Variants in NPEPPS observed in about 807,000 individuals in gnomAD.
NPEPPS encodes aminopeptidase puromycin sensitive, also known as puromycin-sensitive aminopeptidase.
A neutral mutation model predicts 115.5 loss-of-function variants in NPEPPS; 14 were observed. The observed-to-expected ratio is 0.12, with a 90% CI of 0.08 to 0.19. The LOEUF (loss-of-function observed/expected upper bound fraction) is 0.19. Among genes scored for constraint, NPEPPS ranks in the 10% least tolerant of loss-of-function variants. The pLI, the probability that NPEPPS is intolerant of heterozygous loss-of-function variation, is 1.00. For synonymous variants in NPEPPS, 285 were observed against 390.6 expected (o/e 0.73, Z 3.19); for missense variants, 523 against 1,110.8 (o/e 0.47, Z 7.52).
chr17:47,600,117 C>T (rs1913101983), intron 14 of NPEPPS, among the ~76,000 whole-genome samples: 1 of 152,098 alleles, frequency 6.6e-6, no homozygotes, highest in Non-Finnish European at 1.5e-5. Flanking sequence ...TGTGCCCAGC[C>T]ATAGAATTAC....
At chr17:47,532,231 TTC>T (rs960736946) in intron 1 of NPEPPS, among the ~76,000 whole-genome samples, 142 of 152,274 alleles carry the variant, frequency 9.3e-4, no homozygotes, top group African/African-American at 3.1e-3. Flanking sequence ...AGTGACTTTG[TTC>T]TCTCTTAACC....
rs752792964 is a variant in NPEPPS, at chr17:47,599,673, T to A, written c.1537-3T>A. The A allele has an allele frequency of 3.2e-6, 5 of 1,558,242 alleles. No individual in the cohort carries two copies. In the South Asian group the frequency reaches 5.9e-5, roughly 18 times the overall value. ...TATTATAGCCTTTGTTTTGCTTCTTTAGGTAGAAGATGACAGATTATTGAG... is the reference window on the plus strand; with the variant it reads ...TATTATAGCCTTTGTTTTGCTTCTTAAGGTAGAAGATGACAGATTATTGAG... On this transcript the variant is annotated splice_polypyrimidine_tract_variant and splice_region_variant and intron_variant, in intron 13 of 22. Coordinates refer to ENST00000322157, the MANE Select transcript of NPEPPS (RefSeq NM_006310.4).
chr17:47,575,819 A>C (rs1240367089), intron 3 of NPEPPS, among the ~76,000 whole-genome samples: 2 of 151,958 alleles, frequency 1.3e-5, no homozygotes, highest in Non-Finnish European at 2.9e-5. Flanking sequence ...TGTGTTAGCC[A>C]GGATGGTCTT....
At chr17:47,542,689 A>G (rs993863974) in intron 1 of NPEPPS, among the ~76,000 whole-genome samples, 9 of 152,090 alleles carry the variant, frequency 5.9e-5, no homozygotes, top group African/African-American at 2.2e-4. Flanking sequence ...ATGGCTTGCT[A>G]TACTTACCTG....
chr17:47,550,224 T>C (rs559341827), intron 2 of NPEPPS, among the ~76,000 whole-genome samples: 5 of 151,982 alleles, frequency 3.3e-5, no homozygotes, highest in South Asian at 2.1e-4. Context: ...TGAGCCACCG[T>C]GCCTAGCCAA....
At chr17:47,550,664 G>A (rs1381699102) in intron 2 of NPEPPS, among the ~76,000 whole-genome samples, 1 of 117,806 alleles carries the variant, frequency 8.5e-6, no homozygotes, top group South Asian at 2.6e-4. Flanking sequence ...TTTCACTCTT[G>A]TTGCCCAGGC....
intron 8 of NPEPPS, chr17:47,586,743 CA>C (rs1308718551): frequency 2.1e-6 from 1 of 481,156 alleles, no homozygotes; most frequent in Non-Finnish European, 4.1e-6. Context: ...TCTGTCACCA[CA>C]ACATAAACAT....
intron 1 of NPEPPS, among the ~76,000 whole-genome samples, chr17:47,531,839 C>G (rs1386108048): frequency 2.0e-5 from 3 of 152,126 alleles, no homozygotes; most frequent in Non-Finnish European, 2.9e-5. Context: ...TTGCGCCCCT[C>G]CCCGGCGAGC....
intron 2 of NPEPPS, among the ~76,000 whole-genome samples, chr17:47,555,839 A>G (rs573639005): frequency 6.6e-6 from 1 of 152,076 alleles, no homozygotes; most frequent in African/African-American, 2.4e-5. Flanking sequence ...GGCCAAGGGA[A>G]TTATTATCTT....
rs530523507 is a variant in NPEPPS, at chr17:47,553,537, A to G, written c.340+7544A>G. Among the ~76,000 whole-genome samples the G allele has an allele frequency of 5.9e-4, 90 of 152,284 alleles. 1 individual carries two copies. In the Middle Eastern group the frequency reaches 0.027, roughly 46 times the overall value. On this transcript the variant is annotated intron_variant, in intron 2 of 22. Transcript: ENST00000322157. ...ATGGTAGTTACAGTAGTTCCTCCTT[A>G]TCTATGGCAGATGTGTTCTAAGACC...
intron 2 of NPEPPS, among the ~76,000 whole-genome samples, chr17:47,556,318 A>G (rs1462452587): frequency 1.3e-5 from 2 of 151,844 alleles, no homozygotes; most frequent in Admixed American, 1.3e-4. Flanking sequence ...CATCTGTTTA[A>G]CAAAGCACAT....
In NPEPPS at chr17:47,592,062, T is replaced by TA. The variant is rs59875832; in HGVS notation, c.1365+11dup. ...CTGCATGACTACATTGGGGATAAGG[T>TA]AAAAAAAAACTTTAAATATTTCATT... On this transcript the variant is annotated splice_region_variant and intron_variant, in intron 11 of 22. Transcript: ENST00000322157. The TA allele has an allele frequency of 0.46, 597,148 of 1,285,470 alleles. 127,777 individuals are homozygous for TA. Among genetic ancestry groups the TA allele is most frequent in the East Asian group, 0.6 (24,321 of 40,258 alleles). 79.6% of individuals were successfully genotyped at this position (1,285,470 alleles called of 1,614,324 possible).
At chr17:47,617,511 A>AT (rs35481232) in intron 19 of NPEPPS, among the ~76,000 whole-genome samples, 4 of 151,348 alleles carry the variant, frequency 2.6e-5, no homozygotes, top group African/African-American at 4.9e-5. Context: ...ATATATATAT[A>AT]TTTTTTAGGA....
intron 4 of NPEPPS, 183 bp downstream of exon 4, chr17:47,579,694 A>G: frequency 2.0e-6 from 1 of 496,696 alleles, no homozygotes; most frequent in Non-Finnish European, 3.7e-6. Flanking sequence ...AATTAAGGGT[A>G]TGGGTTGGGG....
In NPEPPS at chr17:47,535,333, T is replaced by C. The variant is rs1481949238; in HGVS notation, c.255+3778T>C. ...TTGGGAGGCAGAGGCGGGCAGATCA[T>C]GAGGTCAGGAGATCGAGACCATCCT... On this transcript the variant is annotated intron_variant, in intron 1 of 22. Coordinates refer to ENST00000322157, the MANE Select transcript of NPEPPS (RefSeq NM_006310.4). Among the ~76,000 whole-genome samples the C allele has an allele frequency of 5.0e-5, 7 of 139,280 alleles. No homozygotes were observed. The East Asian group carries it at 1.3e-3, about 27-fold the overall frequency. 91.4% of individuals were successfully genotyped at this position (139,280 alleles called of 152,430 possible).
rs144578590 is a variant in NPEPPS, at chr17:47,533,515, AC to A, written c.255+1961del. On this transcript the variant is annotated intron_variant, in intron 1 of 22. Transcript: ENST00000322157. ...TGTGAAAAGACTAACATTAAAAAAA[AC>A]ATTTGTTTCTTTACCCTATTAGTTG... Among the ~76,000 whole-genome samples, 1,128 of 152,296 alleles carry A rather than the reference AC, an allele frequency of 7.4e-3. 8 individuals carry two copies. The highest frequency in any genetic ancestry group is 0.013 in the Non-Finnish European group (856 of 68,034).
chr17:47,534,678 C>A (rs1470055857), intron 1 of NPEPPS, among the ~76,000 whole-genome samples: 1 of 152,014 alleles, frequency 6.6e-6, no homozygotes, highest in East Asian at 2.0e-4. Flanking sequence ...AGCGAGTCTC[C>A]TTGCCTCAGC....
At chr17:47,540,871 T>G (rs1437424001) in intron 1 of NPEPPS, among the ~76,000 whole-genome samples, 1 of 152,178 alleles carries the variant, frequency 6.6e-6, no homozygotes, top group African/African-American at 2.4e-5. Flanking sequence ...GCTGACCAAT[T>G]TTTAAAATGT....
rs1183212431 is a variant in NPEPPS at position 47,623,107 on chromosome 17, TAAAA to T, written c.*1191_*1194del. 3 of 257,732 alleles carry T rather than the reference TAAAA, an allele frequency of 1.2e-5. No homozygotes were observed. The highest frequency in any genetic ancestry group is 2.3e-5 in the Non-Finnish European group (3 of 131,646). The allele number at this position is 257,732 out of a possible 1,614,324, so 16.0% of individuals were successfully genotyped here. On this transcript the variant is annotated 3_prime_UTR_variant, in exon 23 of 23. Coordinates refer to ENST00000322157, the MANE Select transcript of NPEPPS (RefSeq NM_006310.4). Reference sequence around the variant, plus strand: ...CCCTACCTTTTTTTTCTTTTTTTCTTAAAAAAATATTTTGTGTTATTAACAGAAA... The same window carrying T: ...CCCTACCTTTTTTTTCTTTTTTTCTTAAATATTTTGTGTTATTAACAGAAA...
Sources: gnomAD v4.1 joint callset for allele counts (sites outside exome capture counted in the v4.1 genomes callset) on GRCh38, gnomAD v4.1.1 for gene constraint, MANE v1.5 for transcripts, NCBI Gene and HGNC (gene_info 2026-07-23, HGNC 2026-07-21) for gene names.